Variants in KIAA0513 observed in about 807,000 individuals in gnomAD.
KIAA0513 encodes uncharacterized protein KIAA0513.
A neutral mutation model predicts 56.5 loss-of-function variants in KIAA0513; 39 were observed. The ratio of observed to expected loss-of-function variants is 0.69; its 90% confidence interval spans 0.53 to 0.90. The LOEUF (loss-of-function observed/expected upper bound fraction) is 0.90, where lower values mean the gene tolerates loss of function less well. Ranked by LOEUF, KIAA0513 falls within the 40% of genes least tolerant of loss-of-function variation. The probability of loss-of-function intolerance (pLI) is 0.00; values close to 1 mark genes in which losing one functional copy is unlikely to be tolerated. For missense variants in KIAA0513, 591 were observed against 535.2 expected, an observed-to-expected ratio of 1.10 and a Z score of -1.03; for synonymous variants, 268 against 215.6, an observed-to-expected ratio of 1.24 and a Z score of -2.13.
chr16:85,073,123 G>C, intron 4 of KIAA0513, 125 bp downstream of exon 4: 1 of 823,278 alleles, frequency 1.2e-6, no homozygotes, highest in Non-Finnish European at 2.1e-6. Context: ...TCAGGTTGCA[G>C]TTGCTCTGCT....
chr16:85,057,996 G>C (rs28628647), intron 1 of KIAA0513, among the ~76,000 whole-genome samples: 3 of 152,154 alleles, frequency 2.0e-5, no homozygotes, highest in African/African-American at 7.2e-5. Context: ...ATATGGCTAA[G>C]ATGCTGCTGC....
rs2073742390 is a variant in KIAA0513, at chr16:85,081,382, C to T, written c.970C>T (p.Pro324Ser). 1.3e-6 allele frequency: 2 copies of T among 1,568,770 alleles called. No individual in the cohort carries two copies. Among genetic ancestry groups the T allele is most frequent in the Admixed American group, 1.9e-5 (1 of 53,148 alleles). Residue 324 changes from proline (P) to serine (S), a missense_variant, in exon 9 of 13, where the codon CCC (proline) becomes TCC (serine). Transcript: ENST00000683363. This position sits in a 1 kb window ranked among gnomAD's most constrained non-coding sequence, Gnocchi z 4.4. ...AVHCERTKRS[P>S]TTRGDAGEEE... Reference sequence around the variant, plus strand: ...CCATTGTGAGAGGACAAAGCGATCTCCCACTACCAGGTAGGAGCAAAGTGT... The same window carrying T: ...CCATTGTGAGAGGACAAAGCGATCTTCCACTACCAGGTAGGAGCAAAGTGT...
intron 1 of KIAA0513, among the ~76,000 whole-genome samples, chr16:85,028,678 G>A (rs2072921924): frequency 1.3e-5 from 2 of 152,012 alleles, no homozygotes; most frequent in South Asian, 4.2e-4. Flanking sequence ...TTAGACTTGG[G>A]AAGATGAAAA....
chr16:85,057,202 C>T lies in KIAA0513; in HGVS notation c.-172-9698C>T, dbSNP rs944587687. Among the ~76,000 whole-genome samples, 12 of 152,114 alleles carry T rather than the reference C, an allele frequency of 7.9e-5. No individual in the cohort carries two copies. The East Asian group carries it at 1.3e-3, about 17-fold the overall frequency. ...AACCCCCTGTGGTCAGGAATTGTGG[C>T]GTGTACACTTTCATGCAGCCGAGAT... is the stretch of plus-strand genomic sequence containing the variant. On this transcript the variant is annotated intron_variant, in intron 1 of 12. Transcript: ENST00000683363.
chr16:85,091,990 T>G lies in KIAA0513; in HGVS notation c.*3665T>G, dbSNP rs2144129032. On this transcript the variant is annotated 3_prime_UTR_variant, in exon 13 of 13. Transcript: ENST00000683363. The stretch of plus-strand genomic sequence containing the variant: ...GGAGTTTTGCTCTTGTTGCCCAGGC[T>G]GGAGTGCAGTGACACAATCTCTACT... 6.6e-6 allele frequency: 1 copy of G among 150,462 alleles called. No individual in the cohort carries two copies. The highest frequency in any genetic ancestry group is 2.0e-4 in the East Asian group (1 of 5,104). The allele number at this position is 150,462 out of a possible 1,614,324, so 9.3% of individuals were successfully genotyped here. A position where few individuals can be genotyped will look rare whatever the true frequency, so the allele number is the denominator to read the frequency against.
intron 1 of KIAA0513, among the ~76,000 whole-genome samples, chr16:85,037,666 C>G (rs1393871472): frequency 1.3e-5 from 2 of 152,130 alleles, no homozygotes; most frequent in Non-Finnish European, 2.9e-5. Context: ...CTTCATTATG[C>G]AGAACAACAT....
At chr16:85,062,006 CT>C (rs1398019421) in intron 1 of KIAA0513, among the ~76,000 whole-genome samples, 1 of 152,144 alleles carries the variant, frequency 6.6e-6, no homozygotes, top group Non-Finnish European at 1.5e-5. Flanking sequence ...ACCTTCAAGC[CT>C]TTTCAATGCT....
chr16:85,067,141 C>T lies in KIAA0513; in HGVS notation c.70C>T (p.Leu24=). The change falls in exon 2 of 13, where the codon CTG becomes TTG. Residue 24 remains leucine, a synonymous_variant. Transcript: ENST00000683363. The part of the protein sequence containing the change: ...FGPEAPTSSP[L]EAPPPVLQDG... The stretch of plus-strand genomic sequence containing the variant: ...GCCTGAGGCACCCACCTCTTCTCCC[C>T]TGGAGGCACCACCCCCTGTGCTGCA... The T allele has an allele frequency of 6.2e-7, 1 of 1,613,896 alleles. No individual in the cohort carries two copies. Among genetic ancestry groups the T allele is most frequent in the Non-Finnish European group, 8.5e-7 (1 of 1,179,874 alleles).
chr16:85,080,058 G>A (rs2073720243), intron 8 of KIAA0513, among the ~76,000 whole-genome samples: 3 of 152,336 alleles, frequency 2.0e-5, no homozygotes, highest in South Asian at 4.1e-4. Context: ...ACCAAGCAAG[G>A]GTTACTTGAG....
intron 1 of KIAA0513, among the ~76,000 whole-genome samples, chr16:85,028,282 C>T (rs1168405101): frequency 6.6e-6 from 1 of 152,140 alleles, no homozygotes; most frequent in Non-Finnish European, 1.5e-5. Flanking sequence ...CCTGCAAGGG[C>T]ATTCTGGGGA....
At chr16:85,072,719 C>G (rs969372413) in intron 3 of KIAA0513, among the ~76,000 whole-genome samples, 7 of 152,168 alleles carry the variant, frequency 4.6e-5, no homozygotes, top group African/African-American at 1.7e-4. Context: ...TGCATGTGCC[C>G]TGCCCAGTGA....
Position 85,057,704 on chromosome 16 carries a change from G to T in KIAA0513, c.-172-9196G>T, listed in dbSNP as rs552919883. Among the ~76,000 whole-genome samples, 6 of 152,210 alleles carry T rather than the reference G, an allele frequency of 3.9e-5. No homozygotes were observed. The East Asian group carries it at 9.7e-4, about 24-fold the overall frequency. On this transcript the variant is annotated intron_variant, in intron 1 of 12. Transcript: ENST00000683363. Reference sequence around the variant, plus strand: ...ACGAGGAGGCAGTCAGCCAGAGCTAGCCCGTATGCCAGTGCCTGGTTTAGA... The same window carrying T: ...ACGAGGAGGCAGTCAGCCAGAGCTATCCCGTATGCCAGTGCCTGGTTTAGA...
At position 85,067,415 on chromosome 16, in the gene KIAA0513, T is replaced by C. The variant is rs1458275445; in HGVS notation, c.329+15T>C. The C allele has an allele frequency of 3.2e-6, 5 of 1,579,328 alleles. No individual in the cohort carries two copies. The East Asian group carries it at 8.9e-5, about 28-fold the overall frequency. ...TTCTCTGGAGGGTAAGGGGCCTGTG[T>C]GGACGAGACAGCCTGGTGTGGCCAC... is the stretch of plus-strand genomic sequence containing the variant. On this transcript the variant is annotated intron_variant, in intron 2 of 12. Coordinates refer to ENST00000683363, the MANE Select transcript of KIAA0513 (RefSeq NM_001388359.1).
intron 1 of KIAA0513, among the ~76,000 whole-genome samples, chr16:85,037,290 A>G (rs1449095727): frequency 1.3e-5 from 2 of 152,086 alleles, no homozygotes; most frequent in South Asian, 2.1e-4. Flanking sequence ...ATCTGGGAAC[A>G]GTGGAACAAA....
Position 85,081,342 on chromosome 16 carries a change from C to A in KIAA0513, c.930C>A (p.Ala310=). ...IWHTLRFWNA[A]FFDAVHCERT... is the part of the protein sequence containing the mutation. ...ACACTCTGAGGTTCTGGAATGCAGC[C>A]TTTTTTGACGCTGTCCATTGTGAGA... is the stretch of plus-strand genomic sequence containing the variant. Residue 310 remains alanine, a synonymous_variant, in exon 9 of 13, where the codon GCC becomes GCA. Coordinates refer to ENST00000683363, the MANE Select transcript of KIAA0513 (RefSeq NM_001388359.1). The surrounding 1 kb of genome is among the most constrained non-coding windows in gnomAD (Gnocchi z 4.4). The A allele has an allele frequency of 6.2e-7, 1 of 1,605,508 alleles. No individual in the cohort carries two copies. The highest frequency in any genetic ancestry group is 2.3e-5 in the East Asian group (1 of 44,430).
At chr16:85,046,973 C>T (rs2073180208) in intron 1 of KIAA0513, among the ~76,000 whole-genome samples, 1 of 152,168 alleles carries the variant, frequency 6.6e-6, no homozygotes, top group Admixed American at 6.5e-5. Context: ...TGAGGATATT[C>T]ACCTTCTTTG....
chr16:85,064,113 C>G (rs999159208), intron 1 of KIAA0513, among the ~76,000 whole-genome samples: 2 of 149,020 alleles, frequency 1.3e-5, no homozygotes, highest in African/African-American at 5.0e-5. Flanking sequence ...TCAACCGATT[C>G]TCCTGCCTCA....
intron 1 of KIAA0513, among the ~76,000 whole-genome samples, chr16:85,062,275 G>T (rs1369086702): frequency 1.3e-5 from 2 of 152,062 alleles, no homozygotes; most frequent in South Asian, 4.2e-4. Context: ...CTAGCTCCTT[G>T]CACAGTAACC....
At chr16:85,034,389 G>A (rs867347) in intron 1 of KIAA0513, among the ~76,000 whole-genome samples, 86,039 of 151,938 alleles carry the variant, frequency 0.57, 26,946 homozygotes, top group African/African-American at 0.85. Flanking sequence ...TCAATAAACA[G>A]CGACAACAAC....
Sources: gnomAD v4.1 joint callset for allele counts (sites outside exome capture counted in the v4.1 genomes callset) on GRCh38, gnomAD v4.1.1 for gene constraint, Gnocchi (gnomAD v3.1) non-coding constraint, MANE v1.5 for transcripts, NCBI Gene and HGNC (gene_info 2026-07-23, HGNC 2026-07-21) for gene names.